Variants in SIGLEC5 observed in about 807,000 individuals in gnomAD.
The protein encoded by SIGLEC5 is sialic acid binding Ig like lectin 5.
A neutral mutation model predicts 45.9 loss-of-function variants in SIGLEC5; 34 were observed. The observed-to-expected ratio is 0.74, with a 90% CI of 0.56 to 0.99. The LOEUF (loss-of-function observed/expected upper bound fraction) is 0.99. SIGLEC5 is among the 50% of genes least tolerant of loss of function. SIGLEC5 has a pLI of 0.00. For synonymous variants in SIGLEC5, 203 were observed against 258.6 expected, an observed-to-expected ratio of 0.79 and a Z score of 2.06; for missense variants, 508 against 629.6, an observed-to-expected ratio of 0.81 and a Z score of 2.07.
intron 8 of SIGLEC5, among the ~76,000 whole-genome samples, chr19:51,620,567 T>C (rs1983248963): frequency 6.6e-6 from 1 of 152,180 alleles, no homozygotes; most frequent in Admixed American, 6.5e-5. Context: ...GGATAAAAAC[T>C]TATTTAGTGA....
At chr19:51,614,813 G>T (rs79101753) in intron 8 of SIGLEC5, among the ~76,000 whole-genome samples, 78 of 152,292 alleles carry the variant, frequency 5.1e-4, no homozygotes, top group African/African-American at 1.8e-3. Context: ...ATACCTCCCC[G>T]TCATGCAGTT....
intron 2 of SIGLEC5, 35 bp from the exon 3 acceptor site, chr19:51,629,671 G>A: frequency 9.2e-7 from 1 of 1,081,194 alleles, no homozygotes; most frequent in Non-Finnish European, 1.3e-6. Flanking sequence ...TGGGCCCCAG[G>A]GGCTTGAGGA....
chr19:51,628,939 T>A, intron 4 of SIGLEC5, 99 bp downstream of exon 4: 1 of 1,212,436 alleles, frequency 8.2e-7, no homozygotes, highest in Non-Finnish European at 1.2e-6. Context: ...TCATTCTTGC[T>A]CTTCCCAAAT....
At position 51,612,224 on chromosome 19, in the gene SIGLEC5, C is replaced by T; in HGVS notation, c.*7G>A. The T allele has an allele frequency of 6.3e-7, 1 of 1,586,398 alleles. No homozygotes were observed. The highest frequency in any genetic ancestry group is 8.6e-7 in the Non-Finnish European group (1 of 1,162,586). ...CCTCCAGCCAGGACTGAACTCTGGGCAAATCCTCACTTGCTTGTCTTGATC... is the reference window on the plus strand; with the variant it reads ...CCTCCAGCCAGGACTGAACTCTGGGTAAATCCTCACTTGCTTGTCTTGATC... On this transcript the variant is annotated 3_prime_UTR_variant, in exon 9 of 9. Coordinates refer to ENST00000683636, the MANE Select transcript of SIGLEC5 (RefSeq NM_003830.4).
At chr19:51,624,667 T>C (rs1007115387) in intron 8 of SIGLEC5, among the ~76,000 whole-genome samples, 9 of 152,022 alleles carry the variant, frequency 5.9e-5, no homozygotes, top group African/African-American at 1.9e-4. Flanking sequence ...CCCCTGTCCT[T>C]CAAGAATTCC....
intron 7 of SIGLEC5, 99 bp from the exon 8 acceptor site, chr19:51,626,212 C>T: frequency 2.2e-6 from 2 of 919,158 alleles, no homozygotes. Context: ...ACAATGAAGC[C>T]ATCCAGGCCC....
Position 51,627,599 on chromosome 19 carries a change from T to C in SIGLEC5, c.1145A>G (p.Lys382Arg), listed in dbSNP as rs545447202. The change falls in exon 6 of 9, where the codon AAG (lysine) becomes AGG (arginine). Residue 382 changes from lysine (K) to arginine (R), a missense_variant. Lys to Arg is a conservative substitution (Grantham distance 26). Transcript: ENST00000683636. ...GGGCCCAGCTGAGCTGGAGTTGACCTTGAATGAGCCCTGGCTGCTGTTCCC... is the reference window on the plus strand; with the variant it reads ...GGGCCCAGCTGAGCTGGAGTTGACCCTGAATGAGCCCTGGCTGCTGTTCCC... Reference protein sequence around the residue: ...LEGNSSQGSFKVNSSSAGPWA... With the variant: ...LEGNSSQGSFRVNSSSAGPWA... 3.1e-6 allele frequency: 5 copies of C among 1,613,890 alleles called. 1 individual carries two copies. The African/African-American group carries it at 6.7e-5, about 22-fold the overall frequency.
chr19:51,626,690 G>T (rs1197903122), intron 7 of SIGLEC5, among the ~76,000 whole-genome samples: 1 of 152,032 alleles, frequency 6.6e-6, no homozygotes, highest in Non-Finnish European at 1.5e-5. Flanking sequence ...GGGGTGCAAG[G>T]TTTCTTTATG....
At chr19:51,613,548 C>T (rs73562867) in intron 8 of SIGLEC5, among the ~76,000 whole-genome samples, 7,231 of 152,014 alleles carry the variant, frequency 0.048, 519 homozygotes, top group African/African-American at 0.16. Flanking sequence ...GTTCAAATCC[C>T]GGCCCCACCT....
intron 8 of SIGLEC5, among the ~76,000 whole-genome samples, chr19:51,622,341 G>A (rs1305581013): frequency 6.6e-6 from 1 of 150,592 alleles, no homozygotes; most frequent in Admixed American, 6.6e-5. Context: ...GGGTTTCACC[G>A]TGTGAGCCAG....
At chr19:51,626,670 T>C (rs1203026138) in intron 7 of SIGLEC5, among the ~76,000 whole-genome samples, 2 of 151,428 alleles carry the variant, frequency 1.3e-5, no homozygotes, top group Non-Finnish European at 2.9e-5. Context: ...GAAGCAGGAG[T>C]GATAGCTAAG....
intron 8 of SIGLEC5, among the ~76,000 whole-genome samples, chr19:51,614,989 C>T (rs1983001547): frequency 6.6e-6 from 1 of 152,194 alleles, no homozygotes; most frequent in South Asian, 2.1e-4. Flanking sequence ...GGTTCATTAG[C>T]TTATCCAAGG....
rs527258009 is a variant in SIGLEC5 at position 51,623,910 on chromosome 19, G to A, written c.1464+2122C>T. On this transcript the variant is annotated intron_variant, in intron 8 of 8. Coordinates refer to ENST00000683636, the MANE Select transcript of SIGLEC5 (RefSeq NM_003830.4). ...ATCATAAAATATAATATTATAAGCCGTCACACCTATAATCCCAGCACTTTG... is the reference window on the plus strand; with the variant it reads ...ATCATAAAATATAATATTATAAGCCATCACACCTATAATCCCAGCACTTTG... 7.9e-5 allele frequency among the ~76,000 whole-genome samples: 12 copies of A among 152,128 alleles called. No homozygotes were observed. In the South Asian group the frequency reaches 8.3e-4, roughly 11 times the overall value.
intron 8 of SIGLEC5, among the ~76,000 whole-genome samples, chr19:51,616,931 A>AAC (rs1983086591): frequency 1.3e-5 from 2 of 148,642 alleles, no homozygotes; most frequent in African/African-American, 4.9e-5. Flanking sequence ...AAAAAAAAAA[A>AAC]CACTTGAACA....
chr19:51,626,625 C>T (rs1983490986), intron 7 of SIGLEC5, among the ~76,000 whole-genome samples: 1 of 152,098 alleles, frequency 6.6e-6, no homozygotes, highest in African/African-American at 2.4e-5. Context: ...CAGACAAATC[C>T]ACAGAGACAT....
intron 7 of SIGLEC5, 30 bp downstream of exon 7, chr19:51,627,119 C>T (rs765199592): frequency 1.9e-6 from 3 of 1,567,194 alleles, no homozygotes; most frequent in Non-Finnish European, 1.8e-6. Context: ...ACAAACACCA[C>T]CCTGTACCTT....
chr19:51,627,796 T>A, intron 5 of SIGLEC5, 38 bp downstream of exon 5: 1 of 1,576,218 alleles, frequency 6.3e-7, no homozygotes, highest in South Asian at 1.2e-5. Context: ...CCTTCTTTAA[T>A]ACCATGCAGT....
chr19:51,611,947 G>T lies in SIGLEC5; in HGVS notation c.*284C>A, dbSNP rs569787886. On this transcript the variant is annotated 3_prime_UTR_variant, in exon 9 of 9. Transcript: ENST00000683636. Reference sequence around the variant, plus strand: ...CCATGTTGGTTGATTTCCATGTGTTGATTTCTTTAATGTTCACAACAACCT... The same window carrying T: ...CCATGTTGGTTGATTTCCATGTGTTTATTTCTTTAATGTTCACAACAACCT... 27 of 206,736 alleles carry T rather than the reference G, an allele frequency of 1.3e-4. No homozygotes were observed. Among genetic ancestry groups the T allele is most frequent in the African/African-American group, 5.1e-4 (22 of 43,394 alleles). 12.8% of individuals were successfully genotyped at this position (206,736 alleles called of 1,614,324 possible).
chr19:51,612,274 G>A lies in SIGLEC5; in HGVS notation c.1613C>T (p.Ala538Val). The change falls in exon 9 of 9, where the codon GCC (alanine) becomes GTC (valine). Residue 538 changes from alanine to valine, a missense_variant. Ala to Val is a moderately conservative substitution (Grantham distance 64). Coordinates refer to ENST00000683636, the MANE Select transcript of SIGLEC5 (RefSeq NM_003830.4). ...MKSREPKDQE[A>V]PSTTEYSEIK... The stretch of plus-strand genomic sequence containing the variant: ...CTCCGAGTACTCCGTGGTGCTTGGG[G>A]CCTCCTGGTCCTTAGGCTCCCTCGA... 1 of 1,611,324 alleles carries A rather than the reference G, an allele frequency of 6.2e-7. No homozygotes were observed. Among genetic ancestry groups the A allele is most frequent in the Non-Finnish European group, 8.5e-7 (1 of 1,178,702 alleles).
Sources: gnomAD v4.1 joint callset for allele counts (sites outside exome capture counted in the v4.1 genomes callset) on GRCh38, gnomAD v4.1.1 for gene constraint, MANE v1.5 for transcripts, NCBI Gene and HGNC (gene_info 2026-07-23, HGNC 2026-07-21) for gene names.